The following OSBPL9 variants were observed in gnomAD, a reference collection of about 807,000 sequenced individuals.
The protein encoded by OSBPL9 is oxysterol binding protein like 9, also known as oxysterol-binding protein-related protein 9.
In OSBPL9, 40 loss-of-function variants were observed where a neutral mutation model predicts 106.6. The ratio of observed to expected loss-of-function variants is 0.38; its 90% CI spans 0.29 to 0.49. OSBPL9 has a LOEUF of 0.49. Among genes scored for constraint, OSBPL9 ranks in the 20% least tolerant of loss-of-function variants. OSBPL9 has a pLI of 0.97. For missense variants in OSBPL9, 609 were observed against 887.2 expected, an observed-to-expected ratio of 0.69 and a Z score of 3.98; for synonymous variants, 269 against 295.4, an observed-to-expected ratio of 0.91 and a Z score of 0.92.
chr1:51,681,018 AT>A (rs1184400335), intron 3 of OSBPL9, among the ~76,000 whole-genome samples: 2 of 151,904 alleles, frequency 1.3e-5, no homozygotes, highest in Non-Finnish European at 2.9e-5. Flanking sequence ...TCCTTTGACC[AT>A]TTTTTTGTTG....
intron 2 of OSBPL9, among the ~76,000 whole-genome samples, chr1:51,669,095 C>T (rs1649228298): frequency 6.6e-6 from 1 of 152,090 alleles, no homozygotes; most frequent in Admixed American, 6.5e-5. Flanking sequence ...TTTTTGACTC[C>T]CATTTTAGAG....
At chr1:51,605,712 G>A (rs546574512) in intron 2 of OSBPL9, among the ~76,000 whole-genome samples, 1 of 152,334 alleles carries the variant, frequency 6.6e-6, no homozygotes, top group South Asian at 2.1e-4. Flanking sequence ...GCCGGGCACA[G>A]TGACTCAGGC....
At chr1:51,685,555 G>A (rs975544279) in intron 3 of OSBPL9, among the ~76,000 whole-genome samples, 1 of 152,048 alleles carries the variant, frequency 6.6e-6, no homozygotes, top group Non-Finnish European at 1.5e-5. Context: ...TTATAGGCGC[G>A]CCACCACACC....
intron 4 of OSBPL9, among the ~76,000 whole-genome samples, chr1:51,737,545 G>GGT (rs57886494): frequency 0.039 from 5,605 of 142,464 alleles, 143 homozygotes; most frequent in African/African-American, 0.071. Flanking sequence ...ATATTTCAGG[G>GGT]GTGTGTGTGT....
intron 4 of OSBPL9, among the ~76,000 whole-genome samples, chr1:51,722,565 C>A (rs1662352567): frequency 6.6e-6 from 1 of 152,144 alleles, no homozygotes; most frequent in Non-Finnish European, 1.5e-5. Flanking sequence ...CTAATACATG[C>A]CATTCCTTGT....
At chr1:51,666,297 C>T (rs2148751970) in intron 2 of OSBPL9, among the ~76,000 whole-genome samples, 1 of 152,234 alleles carries the variant, frequency 6.6e-6, no homozygotes, top group East Asian at 1.9e-4. Context: ...AAGCTCCTCT[C>T]TGAAAGCAAT....
intron 1 of OSBPL9, among the ~76,000 whole-genome samples, chr1:51,579,889 T>TAATAATAATAATAA (rs1557574164): frequency 2.0e-5 from 3 of 150,554 alleles, no homozygotes; most frequent in African/African-American, 7.3e-5. Context: ...ATAATAATAA[T>TAATAATAATAATAA]TTAAACGTTC....
At chr1:51,546,367 G>A in the OSBPL9 span, among the ~76,000 whole-genome samples, 1 of 152,012 alleles carries the variant, frequency 6.6e-6, no homozygotes, top group African/African-American at 2.4e-5. Context: ...AAGAATTTCT[G>A]TTCAACAAAG....
At chr1:51,717,754 A>G (rs577429369) in intron 4 of OSBPL9, among the ~76,000 whole-genome samples, 2 of 152,018 alleles carry the variant, frequency 1.3e-5, no homozygotes, top group East Asian at 1.9e-4. Context: ...CACATACACT[A>G]TTAGTAGGAA....
At chr1:51,735,130 G>A (rs550835673) in intron 4 of OSBPL9, among the ~76,000 whole-genome samples, 7 of 152,274 alleles carry the variant, frequency 4.6e-5, no homozygotes, top group East Asian at 3.9e-4. Context: ...CAAATGGGAA[G>A]CAGTGACAGA....
chr1:51,595,922 C>A (rs187825022), intron 1 of OSBPL9, among the ~76,000 whole-genome samples: 1 of 152,062 alleles, frequency 6.6e-6, no homozygotes, highest in Admixed American at 6.6e-5. Context: ...CATTCCAGTG[C>A]CTTCACTACA....
the OSBPL9 span, among the ~76,000 whole-genome samples, chr1:51,534,017 C>G: frequency 6.6e-6 from 1 of 151,610 alleles, no homozygotes; most frequent in African/African-American, 2.4e-5. Flanking sequence ...CTAGCCTGAC[C>G]AACATGGTGA....
the OSBPL9 span, among the ~76,000 whole-genome samples, chr1:51,545,077 C>T: frequency 1.3e-5 from 2 of 152,060 alleles, no homozygotes; most frequent in African/African-American, 4.8e-5. Flanking sequence ...CTCTTGACCT[C>T]AAGTGATCTG....
At chr1:51,571,991 C>A in the OSBPL9 span, among the ~76,000 whole-genome samples, 1 of 152,190 alleles carries the variant, frequency 6.6e-6, no homozygotes, top group Non-Finnish European at 1.5e-5. Flanking sequence ...GCTGAGCAGA[C>A]TACCCTCACT....
At chr1:51,656,104 G>C (rs1428466938) in intron 2 of OSBPL9, among the ~76,000 whole-genome samples, 2 of 152,168 alleles carry the variant, frequency 1.3e-5, no homozygotes, top group Admixed American at 6.5e-5. Flanking sequence ...GTAACCAAGA[G>C]GGACCACTGG....
intron 2 of OSBPL9, among the ~76,000 whole-genome samples, chr1:51,659,579 G>A (rs1647016536): frequency 6.6e-6 from 1 of 151,742 alleles, no homozygotes; most frequent in Non-Finnish European, 1.5e-5. Flanking sequence ...ACAGTAGAGA[G>A]CATAAACCAA....
chr1:51,742,742 TAAATA>T (rs1416720285), intron 4 of OSBPL9, among the ~76,000 whole-genome samples: 1 of 151,818 alleles, frequency 6.6e-6, no homozygotes, highest in African/African-American at 2.4e-5. Context: ...TCTCAAAAAA[TAAATA>T]AAAATAAATC....
chr1:51,685,692 C>T, intron 3 of OSBPL9, among the ~76,000 whole-genome samples: 1 of 152,176 alleles, frequency 6.6e-6, no homozygotes, highest in East Asian at 1.9e-4. Context: ...TTCACTGCAC[C>T]CGGCCCCTAC....
chr1:51,723,097 TC>T (rs1208141678), intron 4 of OSBPL9, among the ~76,000 whole-genome samples: 1 of 152,194 alleles, frequency 6.6e-6, no homozygotes, highest in Non-Finnish European at 1.5e-5. Flanking sequence ...TCCCCTACTA[TC>T]AACATCCCCC....
Sources: gnomAD v4.1 joint callset for allele counts (sites outside exome capture counted in the v4.1 genomes callset) on GRCh38, gnomAD v4.1.1 for gene constraint, MANE v1.5 for transcripts, NCBI Gene and HGNC (gene_info 2026-07-23, HGNC 2026-07-21) for gene names.